Variants in CDH9 observed in about 807,000 individuals in gnomAD.
The protein encoded by CDH9 is cadherin-9.
CDH9 carries 28 observed loss-of-function variants against 70.9 expected under a neutral mutation model. The observed-to-expected ratio is 0.40, with a 90% CI of 0.29 to 0.54. CDH9 has a LOEUF of 0.54. CDH9 is among the 20% of genes least tolerant of loss of function. CDH9 has a pLI of 0.59. For synonymous variants in CDH9, 409 were observed against 343.1 expected (o/e 1.19, Z -2.12); for missense variants, 874 against 984.4 (o/e 0.89, Z 1.50).
chr5:26,908,905 A>T (rs903344575), intron 3 of CDH9, among the ~76,000 whole-genome samples: 1 of 152,226 alleles, frequency 6.6e-6, no homozygotes, highest in Non-Finnish European at 1.5e-5. Context: ...AAAGAGTTGT[A>T]GTTTTTTTCA....
At chr5:27,008,608 T>C (rs1229371222) in intron 1 of CDH9, among the ~76,000 whole-genome samples, 15 of 152,214 alleles carry the variant, frequency 9.9e-5, no homozygotes, top group African/African-American at 3.4e-4. Context: ...AATCATTTTC[T>C]ATTACAGGGC....
chr5:26,915,589 A>G (rs748281236), intron 3 of CDH9, 41 bp downstream of exon 3: 1 of 1,182,374 alleles, frequency 8.5e-7, no homozygotes, highest in East Asian at 2.3e-5. Flanking sequence ...TGAGCAAACA[A>G]ACAAATAAAA....
intron 1 of CDH9, among the ~76,000 whole-genome samples, chr5:27,008,506 T>C (rs1742905541): frequency 6.6e-6 from 1 of 151,402 alleles, no homozygotes; most frequent in African/African-American, 2.4e-5. Context: ...AAAAAGTATA[T>C]GTATAGCAAG....
At chr5:26,993,976 A>C (rs1045946373) in intron 1 of CDH9, among the ~76,000 whole-genome samples, 4 of 152,118 alleles carry the variant, frequency 2.6e-5, no homozygotes, top group Non-Finnish European at 4.4e-5. Context: ...CAAGGCTTAA[A>C]ATCTCATGGA....
rs777614561 is a variant in CDH9 at position 26,881,363 on chromosome 5, A to G, written c.2143T>C (p.Phe715Leu). ...PLWENIDVQD[F>L]IHRRLKENDA... ...TTTTCTTTTAATCTTCGATGGATAA[A>G]ATCTTGTACATCAATATTTTCCCAC... The change falls in exon 12 of 12, where the codon TTT (phenylalanine) becomes CTT (leucine). Residue 715 changes from phenylalanine to leucine, a missense_variant. Transcript: ENST00000231021. The G allele has an allele frequency of 6.2e-7, 1 of 1,613,628 alleles. No homozygotes were observed. The highest frequency in any genetic ancestry group is 1.7e-5 in the Admixed American group (1 of 59,912).
At chr5:26,951,291 C>CA (rs796799417) in intron 2 of CDH9, among the ~76,000 whole-genome samples, 66,819 of 86,126 alleles carry the variant, frequency 0.78, 28,032 homozygotes, top group East Asian at 0.95. Context: ...GACTCTGTCT[C>CA]AAAAAAAAAA....
intron 11 of CDH9, among the ~76,000 whole-genome samples, chr5:26,883,632 A>G (rs937497022): frequency 6.6e-6 from 1 of 152,116 alleles, no homozygotes; most frequent in African/African-American, 2.4e-5. Flanking sequence ...CTTGCTCCAG[A>G]ACACAGCATG....
At chr5:26,928,830 C>T (rs1741390835) in intron 2 of CDH9, among the ~76,000 whole-genome samples, 1 of 151,942 alleles carries the variant, frequency 6.6e-6, no homozygotes, top group Non-Finnish European at 1.5e-5. Context: ...TCACCATATA[C>T]AAAAATTAAA....
rs375831446 is a variant in CDH9, at chr5:26,898,010, G to A, written c.1253+4466C>T. On this transcript the variant is annotated intron_variant, in intron 7 of 11. Coordinates refer to ENST00000231021, the MANE Select transcript of CDH9 (RefSeq NM_016279.4). Reference sequence around the variant, plus strand: ...TAAAATCAATGTGCAAAAATCACAAGCATTCCTATACACCAATAACAGACA... The same window carrying A: ...TAAAATCAATGTGCAAAAATCACAAACATTCCTATACACCAATAACAGACA... Among the ~76,000 whole-genome samples the A allele has an allele frequency of 2.1e-4, 32 of 152,150 alleles. No homozygotes were observed. In the East Asian group the frequency reaches 4.1e-3, roughly 19 times the overall value.
chr5:26,916,279 T>A (rs757602558), intron 2 of CDH9, among the ~76,000 whole-genome samples: 1 of 151,970 alleles, frequency 6.6e-6, no homozygotes, highest in Non-Finnish European at 1.5e-5. Flanking sequence ...TAATTAATGT[T>A]GATTACATTT....
chr5:27,026,118 G>T (rs1465870431), intron 1 of CDH9, among the ~76,000 whole-genome samples: 1 of 151,760 alleles, frequency 6.6e-6, no homozygotes, highest in Admixed American at 6.6e-5. Context: ...TACATAAAAA[G>T]ATGAACATTA....
chr5:26,881,019 C>T lies in CDH9; in HGVS notation c.*117G>A, dbSNP rs188110659. The stretch of plus-strand genomic sequence containing the variant: ...GCAAATCCCTACTTGACAACATCTA[C>T]GTATTGTTTGTAACTTCAATTTTTG... On this transcript the variant is annotated 3_prime_UTR_variant, in exon 12 of 12. Transcript: ENST00000231021. The T allele has an allele frequency of 9.0e-5, 78 of 868,928 alleles. No individual in the cohort carries two copies. Among genetic ancestry groups the T allele is most frequent in the Non-Finnish European group, 9.6e-5 (54 of 559,788 alleles). The allele number at this position is 868,928 out of a possible 1,614,324, so 53.8% of individuals were successfully genotyped here. A position where few individuals can be genotyped will look rare whatever the true frequency, so the allele number is the denominator to read the frequency against.
intron 1 of CDH9, among the ~76,000 whole-genome samples, chr5:27,018,499 A>T (rs1173857940): frequency 6.6e-6 from 1 of 151,890 alleles, no homozygotes; most frequent in African/African-American, 2.4e-5. Flanking sequence ...CTTTATGGAA[A>T]TCTTTCTGTT....
intron 9 of CDH9, among the ~76,000 whole-genome samples, chr5:26,889,152 T>C (rs1001851048): frequency 2.6e-5 from 4 of 152,154 alleles, no homozygotes; most frequent in African/African-American, 9.6e-5. Context: ...ACCTATTTTA[T>C]CTTTAAAGTA....
chr5:26,950,156 A>G (rs147100512), intron 2 of CDH9, among the ~76,000 whole-genome samples: 8 of 152,282 alleles, frequency 5.3e-5, no homozygotes, highest in Admixed American at 6.5e-5. Context: ...TGTTATTGCT[A>G]CTGGGTATAG....
chr5:26,939,353 A>G (rs1411477509), intron 2 of CDH9, among the ~76,000 whole-genome samples: 1 of 151,892 alleles, frequency 6.6e-6, no homozygotes, highest in East Asian at 1.9e-4. Flanking sequence ...AACCGTATTC[A>G]GAAGGTAATC....
chr5:26,954,512 G>A (rs1415968763), intron 2 of CDH9, among the ~76,000 whole-genome samples: 1 of 149,506 alleles, frequency 6.7e-6, no homozygotes, highest in African/African-American at 2.5e-5. Context: ...AGCCTCCCGA[G>A]TAGCTGGCAC....
chr5:26,905,553 G>C (rs1458409302), intron 5 of CDH9, among the ~76,000 whole-genome samples: 1 of 152,136 alleles, frequency 6.6e-6, no homozygotes, highest in Non-Finnish European at 1.5e-5. Context: ...GGTAAGACAA[G>C]TGAGAGACAC....
At chr5:26,897,499 G>A (rs1314252269) in intron 7 of CDH9, among the ~76,000 whole-genome samples, 1 of 152,148 alleles carries the variant, frequency 6.6e-6, no homozygotes, top group African/African-American at 2.4e-5. Flanking sequence ...TCCCTGGGAT[G>A]CAAGACTGGT....
Sources: allele counts gnomAD v4.1 joint callset (sites outside exome capture counted in the v4.1 genomes callset), GRCh38; gene constraint gnomAD v4.1.1; transcripts MANE v1.5; gene names NCBI Gene and HGNC (gene_info 2026-07-23, HGNC 2026-07-21).